Variants in FOXN3 observed in about 807,000 individuals in gnomAD.
The protein encoded by FOXN3 is forkhead box protein N3.
In FOXN3, 7 loss-of-function variants were observed where a neutral mutation model predicts 38.4. That is an observed-to-expected ratio of 0.18 (90% confidence interval 0.10 to 0.34). The LOEUF is 0.34. FOXN3 is among the 10% of genes least tolerant of loss of function. The pLI, the probability that FOXN3 is intolerant of heterozygous loss-of-function variation, is 1.00. For synonymous variants in FOXN3, 230 were observed against 242.2 expected (o/e 0.95, Z 0.47); for missense variants, 456 against 613.4 (o/e 0.74, Z 2.71).
At chr14:89,329,375 T>C (rs912343561) in intron 3 of FOXN3, among the ~76,000 whole-genome samples, 5 of 152,118 alleles carry the variant, frequency 3.3e-5, no homozygotes, top group African/African-American at 1.2e-4. Context: ...CAGAAGGGAT[T>C]TGGGGTGTGC....
At position 89,394,212 on chromosome 14, in the gene FOXN3, CTTTTT is replaced by C. The variant is rs35674375; in HGVS notation, c.543+17717_543+17721del. Among the ~76,000 whole-genome samples, 43 of 109,612 alleles carry C rather than the reference CTTTTT, an allele frequency of 3.9e-4. 1 individual carries two copies. The East Asian group carries it at 8.3e-3, about 21-fold the overall frequency. The allele number at this position is 109,612 out of a possible 152,430, so 71.9% of individuals were successfully genotyped here. ...CACCACCACAATGGGGATCGACGTTCTTTTTTTTTTTTTTTTTTTTTTGAGATGGA... is the reference window on the plus strand; with the variant it reads ...CACCACCACAATGGGGATCGACGTTCTTTTTTTTTTTTTTTTTGAGATGGA... On this transcript the variant is annotated intron_variant, in intron 2 of 5. Transcript: ENST00000557258.
At chr14:89,190,986 A>T (rs563090645) in intron 4 of FOXN3, among the ~76,000 whole-genome samples, 7 of 151,996 alleles carry the variant, frequency 4.6e-5, no homozygotes, top group South Asian at 2.1e-4. Flanking sequence ...TGAAGGCATT[A>T]AAAAAAAGCA....
chr14:89,478,860 A>C (rs1393155366), intron 1 of FOXN3, among the ~76,000 whole-genome samples: 1 of 130,910 alleles, frequency 7.6e-6, no homozygotes, highest in East Asian at 2.5e-4. Flanking sequence ...TCAACCCAGG[A>C]GGCGGAGGTT....
In FOXN3 at chr14:89,512,683, G is replaced by A. The variant is rs375703944; in HGVS notation, c.-14-100193C>T. ...AAGGGGCAGGACAGAGAGCCCTACC[G>A]CACAACTGCTGTTTCTCAACTGCCT... On this transcript the variant is annotated intron_variant, in intron 1 of 6. Coordinates refer to the FOXN3 transcript ENST00000345097. 6.0e-4 allele frequency among the ~76,000 whole-genome samples: 91 copies of A among 152,330 alleles called. No homozygotes were observed. The Middle Eastern group carries it at 0.014, about 23-fold the overall frequency.
At chr14:89,564,882 C>CCA (rs1895319834) in intron 1 of FOXN3, among the ~76,000 whole-genome samples, 1 of 151,976 alleles carries the variant, frequency 6.6e-6, no homozygotes, top group African/African-American at 2.4e-5. Context: ...CACCCAAGGT[C>CCA]AGGAGTTCGA....
chr14:89,249,984 G>A (rs1269729238), intron 4 of FOXN3, among the ~76,000 whole-genome samples: 1 of 152,218 alleles, frequency 6.6e-6, no homozygotes, highest in Non-Finnish European at 1.5e-5. Flanking sequence ...GTGGGTGCCT[G>A]GGCAGAGCTG....
chr14:89,474,715 G>A (rs1017571843), intron 1 of FOXN3, among the ~76,000 whole-genome samples: 2 of 152,050 alleles, frequency 1.3e-5, no homozygotes, highest in Non-Finnish European at 2.9e-5. Flanking sequence ...TGTATGTCTC[G>A]GGTAGAAGAG....
chr14:89,230,590 T>C lies in FOXN3; in HGVS notation c.746-49784A>G, dbSNP rs181917091. 714 of 232,858 alleles carry C rather than the reference T, an allele frequency of 3.1e-3. 3 individuals are homozygous for C. The highest frequency in any genetic ancestry group is 4.7e-3 in the Non-Finnish European group (532 of 112,582). 14.4% of individuals were successfully genotyped at this position (232,858 alleles called of 1,614,324 possible). A position where few individuals can be genotyped will look rare whatever the true frequency, so the allele number is the denominator to read the frequency against. ...CACATCTAAGTGCTAGCTACTATTA[T>C]TATTTTGACAACTTGCTTTTTATTT... is the stretch of plus-strand genomic sequence containing the variant. On this transcript the variant is annotated intron_variant, in intron 4 of 5. Coordinates refer to ENST00000557258, the MANE Select transcript of FOXN3 (RefSeq NM_005197.4).
intron 1 of FOXN3, among the ~76,000 whole-genome samples, chr14:89,552,108 T>A (rs529047187): frequency 2.3e-4 from 35 of 152,246 alleles, no homozygotes; most frequent in Non-Finnish European, 4.3e-4. Context: ...TTGAGATTTA[T>A]CTTTCTTCTT....
chr14:89,229,872 G>A (rs115465469), intron 4 of FOXN3, among the ~76,000 whole-genome samples: 400 of 152,354 alleles, frequency 2.6e-3, no homozygotes, highest in African/African-American at 9.0e-3. Flanking sequence ...GGCCAGCCCT[G>A]CAGGTACAGG....
At chr14:89,327,682 G>C (rs1329431867) in intron 3 of FOXN3, among the ~76,000 whole-genome samples, 1 of 152,144 alleles carries the variant, frequency 6.6e-6, no homozygotes, top group Non-Finnish European at 1.5e-5. Flanking sequence ...AGTGTTGCTA[G>C]GCTTCTGACC....
intron 1 of FOXN3, among the ~76,000 whole-genome samples, chr14:89,608,993 T>G (rs1896336542): frequency 6.6e-6 from 1 of 152,166 alleles, no homozygotes; most frequent in Non-Finnish European, 1.5e-5. Flanking sequence ...AAGTGGTGAC[T>G]GTACAACATG....
At chr14:89,319,610 T>C (rs533953490) in intron 3 of FOXN3, among the ~76,000 whole-genome samples, 1 of 152,108 alleles carries the variant, frequency 6.6e-6, no homozygotes, top group Non-Finnish European at 1.5e-5. Flanking sequence ...CTGGGAGTGC[T>C]GAGAACCCTC....
At chr14:89,470,790 G>A (rs531357128) in intron 1 of FOXN3, among the ~76,000 whole-genome samples, 5 of 152,244 alleles carry the variant, frequency 3.3e-5, no homozygotes, top group East Asian at 1.9e-4. Context: ...CCAATGCCTC[G>A]GAGCGGCCCA....
chr14:89,428,369 G>T (rs1303917631), intron 1 of FOXN3, among the ~76,000 whole-genome samples: 1 of 152,056 alleles, frequency 6.6e-6, no homozygotes, highest in Non-Finnish European at 1.5e-5. Context: ...CTTTAATATT[G>T]AGGTTGAGGT....
chr14:89,501,775 G>A (rs1353121423), intron 1 of FOXN3, among the ~76,000 whole-genome samples: 2 of 152,118 alleles, frequency 1.3e-5, no homozygotes, highest in Non-Finnish European at 2.9e-5. Context: ...TTGAACCTGG[G>A]AGGCAGAGGT....
At chr14:89,523,020 G>A (rs374138310) in intron 1 of FOXN3, among the ~76,000 whole-genome samples, 12 of 151,644 alleles carry the variant, frequency 7.9e-5, no homozygotes, top group African/African-American at 1.2e-4. Flanking sequence ...CAAAAGGATC[G>A]AAGAAGAAAT....
At chr14:89,417,766 C>T (rs1891792605), upstream of FOXN3, 2 of 455,378 alleles carry the variant, frequency 4.4e-6, no homozygotes, top group Non-Finnish European at 4.4e-6. Context: ...CCTTCCGAGC[C>T]CTCTCCCAGC....
At chr14:89,511,190 T>C (rs60902637) in intron 1 of FOXN3, among the ~76,000 whole-genome samples, 246 of 18,838 alleles carry the variant, frequency 0.013, 65 homozygotes, top group Non-Finnish European at 0.02. Flanking sequence ...TCTTTCTTTC[T>C]TTTCTTTCTT....
Sources: allele counts gnomAD v4.1 joint callset (sites outside exome capture counted in the v4.1 genomes callset), GRCh38; gene constraint gnomAD v4.1.1; transcripts MANE v1.5; gene names NCBI Gene and HGNC (gene_info 2026-07-23, HGNC 2026-07-21).